Variants in MED27 observed in about 807,000 individuals in gnomAD.
MED27 encodes the protein mediator of RNA polymerase II transcription subunit 27.
A neutral mutation model predicts 38.2 loss-of-function variants in MED27; 30 were observed. That is an observed-to-expected ratio of 0.79 (90% CI 0.59 to 1.07). MED27 has a LOEUF of 1.07. Among genes scored for constraint, MED27 ranks in the 50% least tolerant of loss-of-function variants. MED27 has a pLI of 0.00. For synonymous variants in MED27, 122 were observed against 153.5 expected (o/e 0.79, Z 1.52); for missense variants, 289 against 397.5 (o/e 0.73, Z 2.32).
At chr9:131,911,245 A>T (rs1023498762) in intron 4 of MED27, among the ~76,000 whole-genome samples, 1 of 152,152 alleles carries the variant, frequency 6.6e-6, no homozygotes, top group Non-Finnish European at 1.5e-5. Flanking sequence ...GGAGGAGGAG[A>T]CTAAATGGGA....
At chr9:132,002,531 C>T (rs974230375) in intron 3 of MED27, among the ~76,000 whole-genome samples, 3 of 152,178 alleles carry the variant, frequency 2.0e-5, no homozygotes, top group African/African-American at 7.2e-5. Flanking sequence ...CTTACTGCTT[C>T]TTGATGACTT....
At position 131,982,301 on chromosome 9, in the gene MED27, T is replaced by G. The variant is rs1831752813; in HGVS notation, c.479+32036A>C. Among the ~76,000 whole-genome samples, 1 of 152,126 alleles carries G rather than the reference T, an allele frequency of 6.6e-6. No homozygotes were observed. Among genetic ancestry groups the G allele is most frequent in the African/African-American group, 2.4e-5 (1 of 41,432 alleles). Reference sequence around the variant, plus strand: ...AAGTCCAGCTCTTCTGCTCAAGAGATCACGTGCAGAGGCCACACGGAGAGG... The same window carrying G: ...AAGTCCAGCTCTTCTGCTCAAGAGAGCACGTGCAGAGGCCACACGGAGAGG... On this transcript the variant is annotated intron_variant, in intron 3 of 7. Coordinates refer to ENST00000292035, the MANE Select transcript of MED27 (RefSeq NM_004269.4). This position sits in a 1 kb window ranked among gnomAD's most constrained non-coding sequence, Gnocchi z 4.3.
At chr9:131,986,156 G>GA (rs747456443) in intron 3 of MED27, among the ~76,000 whole-genome samples, 2 of 152,218 alleles carry the variant, frequency 1.3e-5, no homozygotes, top group South Asian at 2.1e-4. Flanking sequence ...TATTACGGAA[G>GA]AAAAAATGTT....
chr9:131,941,817 A>ATTTTTT lies in MED27; in HGVS notation c.480-2349_480-2344dup, dbSNP rs766438800. Among the ~76,000 whole-genome samples, 771 of 82,502 alleles carry ATTTTTT rather than the reference A, an allele frequency of 9.3e-3. 116 individuals carry two copies. The highest frequency in any genetic ancestry group is 0.039 in the African/African-American group (738 of 19,092). 54.1% of individuals were successfully genotyped at this position (82,502 alleles called of 152,430 possible). On this transcript the variant is annotated intron_variant, in intron 3 of 7. Coordinates refer to ENST00000292035, the MANE Select transcript of MED27 (RefSeq NM_004269.4). The stretch of plus-strand genomic sequence containing the variant: ...TAAAGGCAAAGCCCCATTCTGCTGA[A>ATTTTTT]TTTTTTTTTTTTTTTTTTTTTTTTT...
chr9:131,896,016 G>A (rs1240269958), intron 4 of MED27, among the ~76,000 whole-genome samples: 6 of 151,672 alleles, frequency 4.0e-5, no homozygotes, highest in Non-Finnish European at 8.8e-5. Context: ...CTCCTGCCTC[G>A]GCCTCCCGAG....
intron 4 of MED27, among the ~76,000 whole-genome samples, chr9:131,938,801 C>T (rs1293382495): frequency 6.6e-6 from 1 of 151,692 alleles, no homozygotes; most frequent in Non-Finnish European, 1.5e-5. Flanking sequence ...GCAAGCTCCG[C>T]CTCCCAGGTT....
chr9:131,993,886 A>G (rs1486778556), intron 3 of MED27, among the ~76,000 whole-genome samples: 1 of 152,062 alleles, frequency 6.6e-6, no homozygotes. Context: ...TGGTATGTCT[A>G]AATTGTCCCA....
At chr9:131,943,245 C>A (rs1301012017) in intron 3 of MED27, among the ~76,000 whole-genome samples, 1 of 152,164 alleles carries the variant, frequency 6.6e-6, no homozygotes, top group Non-Finnish European at 1.5e-5. Context: ...AGGCAAAAAT[C>A]AAAACATTTC....
At chr9:132,028,540 G>A (rs1043745708) in intron 2 of MED27, among the ~76,000 whole-genome samples, 1 of 151,982 alleles carries the variant, frequency 6.6e-6, no homozygotes, top group Admixed American at 6.6e-5. Flanking sequence ...GAGGTCTGTA[G>A]GCATTGCATA....
chr9:131,956,157 C>T (rs969727595), intron 3 of MED27, among the ~76,000 whole-genome samples: 4 of 152,004 alleles, frequency 2.6e-5, no homozygotes, highest in African/African-American at 7.3e-5. Context: ...GGGGAAATTA[C>T]GCTAAGTCAG....
intron 6 of MED27, chr9:131,869,407 A>C: frequency 1.2e-6 from 1 of 811,572 alleles, no homozygotes; most frequent in Non-Finnish European, 1.5e-6. Context: ...AAAAAAAAAA[A>C]TCTGCTATTA....
At chr9:131,941,264 C>T (rs893317738) in intron 3 of MED27, among the ~76,000 whole-genome samples, 8 of 151,932 alleles carry the variant, frequency 5.3e-5, no homozygotes, top group South Asian at 2.1e-4. Context: ...ATTACATGTC[C>T]GTTAAGTCAG....
rs1305868392 is a variant in MED27, at chr9:132,010,685, C to T, written c.479+3652G>A. Among the ~76,000 whole-genome samples, 24 of 152,166 alleles carry T rather than the reference C, an allele frequency of 1.6e-4. No homozygotes were observed. The East Asian group carries it at 2.7e-3, about 17-fold the overall frequency. On this transcript the variant is annotated intron_variant, in intron 3 of 7. Transcript: ENST00000292035. ...AAGAAAATGTGGCACATATACACCA[C>T]GGAATACTATGCAGCCATAAAAAAT...
intron 4 of MED27, among the ~76,000 whole-genome samples, chr9:131,903,071 G>T (rs946479556): frequency 7.1e-6 from 1 of 140,698 alleles, no homozygotes; most frequent in Non-Finnish European, 1.5e-5. Context: ...TGCTGGGTCA[G>T]TGGTGGCCAC....
chr9:131,877,125 C>T (rs561945020), intron 6 of MED27, among the ~76,000 whole-genome samples: 45 of 152,226 alleles, frequency 3.0e-4, no homozygotes, highest in East Asian at 1.5e-3. Context: ...TGCAGGGCAC[C>T]GAACAGGGAA....
chr9:131,982,452 C>T lies in MED27; in HGVS notation c.479+31885G>A, dbSNP rs1831755972. On this transcript the variant is annotated intron_variant, in intron 3 of 7. Coordinates refer to ENST00000292035, the MANE Select transcript of MED27 (RefSeq NM_004269.4). The surrounding 1 kb of genome is among the most constrained non-coding windows in gnomAD (Gnocchi z 4.3). ...CACCCAGCTGGGCCAGACCAGACTA[C>T]ACAATCGTGAGTAAATAAAATGTTT... Among the ~76,000 whole-genome samples the T allele has an allele frequency of 6.6e-6, 1 of 152,236 alleles. No individual in the cohort carries two copies. The highest frequency in any genetic ancestry group is 1.5e-5 in the Non-Finnish European group (1 of 68,034).
At chr9:131,963,076 A>G (rs1005239031) in intron 3 of MED27, among the ~76,000 whole-genome samples, 3 of 152,224 alleles carry the variant, frequency 2.0e-5, no homozygotes, top group African/African-American at 7.2e-5. Flanking sequence ...CTGTGCTGCA[A>G]TGGCCAGTAA....
intron 2 of MED27, among the ~76,000 whole-genome samples, chr9:132,037,479 C>T (rs1007732484): frequency 6.6e-6 from 1 of 152,164 alleles, no homozygotes; most frequent in Non-Finnish European, 1.5e-5. Context: ...GCTTTTAAAA[C>T]GGTGATTCTA....
At chr9:131,938,048 G>A (rs759403543) in intron 4 of MED27, among the ~76,000 whole-genome samples, 5 of 152,010 alleles carry the variant, frequency 3.3e-5, no homozygotes, top group African/African-American at 4.8e-5. Flanking sequence ...TAAATATTAT[G>A]TTATCCAGGT....
Sources: gnomAD v4.1 joint callset for allele counts (sites outside exome capture counted in the v4.1 genomes callset) on GRCh38, gnomAD v4.1.1 for gene constraint, Gnocchi (gnomAD v3.1) non-coding constraint, MANE v1.5 for transcripts, NCBI Gene and HGNC (gene_info 2026-07-23, HGNC 2026-07-21) for gene names.